The following PLXND1 variants were observed in gnomAD, a reference collection of about 807,000 sequenced individuals.
The protein encoded by PLXND1 is plexin D1.
In PLXND1, 54 loss-of-function variants were observed where a neutral mutation model predicts 197.7. That is an observed-to-expected ratio of 0.27 (90% confidence interval 0.22 to 0.34). PLXND1 has a LOEUF of 0.34. Ranked by LOEUF, PLXND1 falls within the 10% of genes least tolerant of loss-of-function variation. The pLI is 1.00. For synonymous variants in PLXND1, 1,180 were observed against 1,161.2 expected (o/e 1.02, Z -0.33); for missense variants, 2,127 against 2,699.2 (o/e 0.79, Z 4.70).
intron 25 of PLXND1, 33 bp downstream of exon 25, chr3:129,565,307 G>C (rs2285360): frequency 8.8e-6 from 14 of 1,591,132 alleles, no homozygotes; most frequent in East Asian, 2.2e-5. Context: ...CACGTCCCCC[G>C]CCTGGGCTCT....
intron 29 of PLXND1, chr3:129,560,932 C>A (rs2085049160): frequency 8.9e-6 from 6 of 671,994 alleles, no homozygotes; most frequent in Non-Finnish European, 1.4e-5. Context: ...TGCAGAGACG[C>A]ATGGGGAGAC....
chr3:129,573,179 G>A (rs2085262908), intron 13 of PLXND1, among the ~76,000 whole-genome samples: 2 of 152,178 alleles, frequency 1.3e-5, no homozygotes, highest in South Asian at 4.1e-4. Flanking sequence ...CACGCCTGAT[G>A]CACGGCCTCC....
chr3:129,574,053 T>C (rs556512177), intron 12 of PLXND1, among the ~76,000 whole-genome samples: 88 of 152,328 alleles, frequency 5.8e-4, no homozygotes, highest in Middle Eastern at 3.4e-3. Flanking sequence ...TTAGTGATCA[T>C]GGTATCCCCT....
chr3:129,560,500 G>A, intron 30 of PLXND1, 66 bp from the exon 31 acceptor site: 3 of 1,172,902 alleles, frequency 2.6e-6, no homozygotes, highest in Non-Finnish European at 3.8e-6. Context: ...TGGGAGGTCT[G>A]GCTCTGCCAT....
chr3:129,587,325 G>T (rs150496330), intron 2 of PLXND1, among the ~76,000 whole-genome samples: 1 of 152,232 alleles, frequency 6.6e-6, no homozygotes, highest in Non-Finnish European at 1.5e-5. Flanking sequence ...GCAATACCAG[G>T]CCTGCCTGAC....
At position 129,557,659 on chromosome 3, in the gene PLXND1, C is replaced by CAACACTTCTTTGACA. The variant is rs1051675214; in HGVS notation, c.5446-437_5446-436insTGTCAAAGAAGTGTT. Reference sequence around the variant, plus strand: ...TGCTCCTAACGCCTGAAAGAAGTGCCAAGAACACTCCCAGTTCTTTGTCAG... The same window carrying CAACACTTCTTTGACA: ...TGCTCCTAACGCCTGAAAGAAGTGCCAACACTTCTTTGACAAAGAACACTCCCAGTTCTTTGTCAG... On this transcript the variant is annotated intron_variant, in intron 33 of 35. Transcript: ENST00000324093. The surrounding 1 kb of genome is among the most constrained non-coding windows in gnomAD (Gnocchi z 4.8). Among the ~76,000 whole-genome samples, 3 of 152,164 alleles carry CAACACTTCTTTGACA rather than the reference C, an allele frequency of 2.0e-5. No individual in the cohort carries two copies. Among genetic ancestry groups the CAACACTTCTTTGACA allele is most frequent in the Non-Finnish European group, 4.4e-5 (3 of 68,020 alleles).
intron 5 of PLXND1, among the ~76,000 whole-genome samples, chr3:129,585,580 C>G (rs1213141069): frequency 6.6e-6 from 1 of 152,360 alleles, no homozygotes; most frequent in South Asian, 2.1e-4. Context: ...CCAACTTGTA[C>G]CCTCCCTCCT....
chr3:129,604,211 C>T (rs537564338), intron 1 of PLXND1, among the ~76,000 whole-genome samples: 11 of 152,296 alleles, frequency 7.2e-5, no homozygotes, highest in Admixed American at 6.5e-4. Flanking sequence ...CTGAGCCCCA[C>T]GGCCCTCTCC....
Position 129,570,950 on chromosome 3 carries a change from G to T in PLXND1, c.3601-15C>A, listed in dbSNP as rs372185971. 1.9e-5 allele frequency: 30 copies of T among 1,614,054 alleles called. No individual in the cohort carries two copies. Among genetic ancestry groups the T allele is most frequent in the Non-Finnish European group, 2.4e-5 (28 of 1,179,992 alleles). Reference sequence around the variant, plus strand: ...TCCTGCTCCTTCTGTGGGTGCAAAGGGGGAGGATGCTCATGGGGAAGTGCT... The same window carrying T: ...TCCTGCTCCTTCTGTGGGTGCAAAGTGGGAGGATGCTCATGGGGAAGTGCT... On this transcript the variant is annotated splice_polypyrimidine_tract_variant and intron_variant, in intron 18 of 35. Coordinates refer to ENST00000324093, the MANE Select transcript of PLXND1 (RefSeq NM_015103.3).
chr3:129,556,342 G>A lies in PLXND1; in HGVS notation c.5748C>T (p.Asp1916=), dbSNP rs376340942. The A allele has an allele frequency of 5.0e-6, 8 of 1,613,614 alleles. No homozygotes were observed. The highest frequency in any genetic ancestry group is 2.2e-5 in the South Asian group (2 of 91,078). The change falls in exon 36 of 36, where the codon GAC becomes GAT. Residue 1916 remains aspartate, a synonymous_variant. Coordinates refer to ENST00000324093, the MANE Select transcript of PLXND1 (RefSeq NM_015103.3). The part of the protein sequence containing the change: ...KFEQVVALME[D]NIYECYSEA ...CCTCACTGTAGCACTCGTAGATGTT[G>A]TCCTCCATCAAAGCCACCACCTGCT...
chr3:129,601,249 T>C (rs373513009), intron 1 of PLXND1, among the ~76,000 whole-genome samples: 1 of 152,142 alleles, frequency 6.6e-6, no homozygotes, highest in Non-Finnish European at 1.5e-5. Context: ...AGGGACAAAT[T>C]TGGGGACTTC....
At chr3:129,589,285 C>G (rs370130006) in intron 2 of PLXND1, 66 bp downstream of exon 2, 1 of 921,208 alleles carries the variant, frequency 1.1e-6, no homozygotes. Flanking sequence ...CAGACTGACC[C>G]CCTCAGCCAA....
intron 23 of PLXND1, 66 bp from the exon 24 acceptor site, chr3:129,566,083 G>A: frequency 3.2e-6 from 5 of 1,575,662 alleles, no homozygotes; most frequent in Non-Finnish European, 3.5e-6. Flanking sequence ...CTAACAGCCA[G>A]TGCTTACGAC....
chr3:129,571,140 C>T lies in PLXND1; in HGVS notation c.3500G>A (p.Arg1167Lys). Residue 1167 changes from arginine (R) to lysine (K), a missense_variant, in exon 18 of 36, where the codon AGG (arginine) becomes AAG (lysine). Physicochemically the swap from Arg to Lys is conservative, Grantham distance 26. This residue lies in a region of PLXND1 where 532 missense variants were observed against 811.0 expected (regional missense o/e 0.66). Coordinates refer to ENST00000324093, the MANE Select transcript of PLXND1 (RefSeq NM_015103.3). ...LDPEEAQRGS[R>K]FRLDYLPNPQ... ...GTTGGGGAGGTAGTCCAGGCGGAAC[C>T]TGCTGCCCCGCTGTGCCTCCTCGGG... 1.2e-6 allele frequency: 2 copies of T among 1,614,224 alleles called. No homozygotes were observed. Among genetic ancestry groups the T allele is most frequent in the Non-Finnish European group, 1.7e-6 (2 of 1,180,030 alleles).
intron 21 of PLXND1, 21 bp downstream of exon 21, chr3:129,567,677 T>G (rs2085161836): frequency 2.5e-6 from 4 of 1,585,804 alleles, no homozygotes; most frequent in Non-Finnish European, 2.6e-6. Context: ...GGCCCAGCCC[T>G]GCAGGGTCCC....
chr3:129,603,548 C>T (rs1415974970), intron 1 of PLXND1, among the ~76,000 whole-genome samples: 1 of 152,154 alleles, frequency 6.6e-6, no homozygotes, highest in Non-Finnish European at 1.5e-5. Context: ...CGAGATGAAG[C>T]TCTGGGGTGG....
In PLXND1 at chr3:129,584,247, G is replaced by A. The variant is rs745691892; in HGVS notation, c.2030-14C>T. 1 of 1,596,016 alleles carries A rather than the reference G, an allele frequency of 6.3e-7. No homozygotes were observed. Among genetic ancestry groups the A allele is most frequent in the Non-Finnish European group, 8.6e-7 (1 of 1,168,020 alleles). On this transcript the variant is annotated splice_polypyrimidine_tract_variant and intron_variant, in intron 6 of 35. Coordinates refer to ENST00000324093, the MANE Select transcript of PLXND1 (RefSeq NM_015103.3). ...CAGTCACGTGGTCTGGAATGGATGG[G>A]GGAGCCAGGGGAGGACATGGGGGCA...
chr3:129,568,623 A>T (rs996052718), intron 20 of PLXND1, among the ~76,000 whole-genome samples: 1 of 151,890 alleles, frequency 6.6e-6, no homozygotes, highest in African/African-American at 2.4e-5. Context: ...ATCACATCTC[A>T]CTGCAGCCTC....
intron 1 of PLXND1, among the ~76,000 whole-genome samples, chr3:129,603,785 A>G (rs2108808691): frequency 6.6e-6 from 1 of 152,334 alleles, no homozygotes; most frequent in South Asian, 2.1e-4. Flanking sequence ...TTCTTGTCAC[A>G]GCCATGGAGA....
Sources: allele counts gnomAD v4.1 joint callset (sites outside exome capture counted in the v4.1 genomes callset), GRCh38; gene constraint gnomAD v4.1.1; regional missense constraint gnomAD v4.1.1; non-coding constraint Gnocchi (gnomAD v3.1); transcripts MANE v1.5; gene names NCBI Gene and HGNC (gene_info 2026-07-23, HGNC 2026-07-21).